The following BAIAP2L1 variants were observed in gnomAD, a reference collection of about 807,000 sequenced individuals.
The protein encoded by BAIAP2L1 is BAR/IMD domain-containing adapter protein 2-like 1.
A neutral mutation model predicts 66.3 loss-of-function variants in BAIAP2L1; 35 were observed. The ratio of observed to expected loss-of-function variants is 0.53; its 90% CI spans 0.40 to 0.70. The LOEUF (loss-of-function observed/expected upper bound fraction) is 0.70. BAIAP2L1 is among the 30% of genes least tolerant of loss of function. The pLI is 0.00. For synonymous variants in BAIAP2L1, 269 were observed against 248.7 expected, an observed-to-expected ratio of 1.08 and a Z score of -0.77; for missense variants, 622 against 656.9, an observed-to-expected ratio of 0.95 and a Z score of 0.58.
At chr7:98,383,320 G>A (rs1247000991) in intron 1 of BAIAP2L1, among the ~76,000 whole-genome samples, 1 of 107,222 alleles carries the variant, frequency 9.3e-6, no homozygotes, top group Non-Finnish European at 1.9e-5. Context: ...TTTCCTTCTT[G>A]TTGACCAGGC....
chr7:98,292,738 A>G lies in BAIAP2L1; in HGVS notation c.*783T>C, dbSNP rs1334428049. On this transcript the variant is annotated 3_prime_UTR_variant, in exon 14 of 14. Transcript: ENST00000005260. ...CCCCGAGCAGTTTGAGTGTACTGGT[A>G]ATGGATGCAGCTTTGGCCAACTAGC... The G allele has an allele frequency of 6.4e-7, 1 of 1,551,316 alleles. No individual in the cohort carries two copies. Among genetic ancestry groups the G allele is most frequent in the Non-Finnish European group, 8.7e-7 (1 of 1,146,872 alleles).
chr7:98,325,123 G>A (rs949471575), intron 3 of BAIAP2L1, among the ~76,000 whole-genome samples: 2 of 152,160 alleles, frequency 1.3e-5, no homozygotes, highest in East Asian at 3.9e-4. Context: ...AGTGGCTCAC[G>A]CCTGTAATCC....
At position 98,364,890 on chromosome 7, in the gene BAIAP2L1, G is replaced by A. The variant is rs917205263; in HGVS notation, c.52-2458C>T. Among the ~76,000 whole-genome samples, 6 of 146,840 alleles carry A rather than the reference G, an allele frequency of 4.1e-5. No homozygotes were observed. The Admixed American group carries it at 4.2e-4, about 10-fold the overall frequency. ...TGGTCCCAGCTACTTGGGAGGCTGA[G>A]GTGAGAGGATCACTTGAGCCCAGGA... On this transcript the variant is annotated intron_variant, in intron 1 of 13. Transcript: ENST00000005260.
Position 98,293,607 on chromosome 7 carries a change from T to C in BAIAP2L1, c.1461-11A>G, listed in dbSNP as rs201956781. On this transcript the variant is annotated splice_polypyrimidine_tract_variant and intron_variant, in intron 13 of 13. Coordinates refer to ENST00000005260, the MANE Select transcript of BAIAP2L1 (RefSeq NM_018842.5). ...AAGGGGTTTTCTCCGCTGCAGGGGA[T>C]AAGAAAAATCTTTCAGAACTTCTGC... 3.1e-6 allele frequency: 5 copies of C among 1,611,318 alleles called. No individual in the cohort carries two copies. Among genetic ancestry groups the C allele is most frequent in the Middle Eastern group, 1.7e-4 (1 of 5,944 alleles).
At chr7:98,296,777 T>G (rs1800209016) in intron 12 of BAIAP2L1, among the ~76,000 whole-genome samples, 1 of 152,200 alleles carries the variant, frequency 6.6e-6, no homozygotes, top group Admixed American at 6.5e-5. Context: ...GGCAGGAGCC[T>G]CTCTGCCTCC....
chr7:98,357,056 T>A (rs867874970), intron 2 of BAIAP2L1, among the ~76,000 whole-genome samples: 978 of 75,930 alleles, frequency 0.013, 9 homozygotes, highest in Non-Finnish European at 0.02. Context: ...TATATTTTTT[T>A]TTTTTTTTTT....
chr7:98,316,738 ATGTT>A (rs1489801647), intron 6 of BAIAP2L1, among the ~76,000 whole-genome samples: 1 of 152,108 alleles, frequency 6.6e-6, no homozygotes, highest in Non-Finnish European at 1.5e-5. Flanking sequence ...ATCCAATTGT[ATGTT>A]TGGACCCATT....
At chr7:98,382,457 G>C (rs951323630) in intron 1 of BAIAP2L1, among the ~76,000 whole-genome samples, 3 of 152,092 alleles carry the variant, frequency 2.0e-5, no homozygotes, top group Non-Finnish European at 4.4e-5. Flanking sequence ...ACCAGCCTAA[G>C]CAACACAGGG....
intron 1 of BAIAP2L1, 95 bp downstream of exon 1, chr7:98,400,707 C>G: frequency 7.2e-7 from 1 of 1,389,626 alleles, no homozygotes; most frequent in South Asian, 1.2e-5. Context: ...GGGAGGGGAG[C>G]TGGAGGGAGG....
At position 98,315,444 on chromosome 7, in the gene BAIAP2L1, T is replaced by G; in HGVS notation, c.639+16A>C. The G allele has an allele frequency of 4.3e-6, 6 of 1,397,124 alleles. No homozygotes were observed. In the African/African-American group the frequency reaches 7.4e-5, roughly 17 times the overall value. 86.5% of individuals were successfully genotyped at this position (1,397,124 alleles called of 1,614,324 possible). ...AAGTTATTAATACGCTCAAGGCAAT[T>G]TGCCACCACACCCACCTGTAAGTGA... On this transcript the variant is annotated intron_variant, in intron 7 of 13. Transcript: ENST00000005260.
At chr7:98,385,601 A>G (rs1346500018) in intron 1 of BAIAP2L1, among the ~76,000 whole-genome samples, 1 of 151,758 alleles carries the variant, frequency 6.6e-6, no homozygotes, top group East Asian at 2.0e-4. Context: ...TTTCGTAGAC[A>G]TGGGGTTTCA....
chr7:98,357,037 ATATATATATATATT>A (rs1802146305), intron 2 of BAIAP2L1, among the ~76,000 whole-genome samples: 1 of 16,974 alleles, frequency 5.9e-5, no homozygotes, highest in African/African-American at 2.2e-4. Context: ...ATATATATAT[ATATATATATATATT>A]TTTTTTTTTT....
At chr7:98,357,206 G>A (rs1802158218) in intron 2 of BAIAP2L1, among the ~76,000 whole-genome samples, 2 of 149,012 alleles carry the variant, frequency 1.3e-5, no homozygotes, top group Non-Finnish European at 3.0e-5. Flanking sequence ...TCCAGCTGAA[G>A]GTATGAAAAG....
In BAIAP2L1 at chr7:98,315,623, A is replaced by G. The variant is rs374517924; in HGVS notation, c.487-11T>C. 6.4e-5 allele frequency: 77 copies of G among 1,207,840 alleles called. 1 individual carries two copies. The South Asian group carries it at 1.3e-3, about 20-fold the overall frequency. 74.8% of individuals were successfully genotyped at this position (1,207,840 alleles called of 1,614,324 possible). ...AACGGTCTCCACATACTAAAAAAAA[A>G]AAAATAATAATAATAATAATTATAT... is the stretch of plus-strand genomic sequence containing the variant. On this transcript the variant is annotated splice_polypyrimidine_tract_variant and intron_variant, in intron 6 of 13. Transcript: ENST00000005260.
chr7:98,355,491 T>A, intron 2 of BAIAP2L1: 2 of 196,848 alleles, frequency 1.0e-5, no homozygotes, highest in African/African-American at 2.3e-5. Context: ...ATCCCAGCCC[T>A]TTGGGAGGCT....
chr7:98,363,164 A>G (rs1019319053), intron 1 of BAIAP2L1, among the ~76,000 whole-genome samples: 4 of 150,994 alleles, frequency 2.6e-5, no homozygotes, highest in African/African-American at 9.8e-5. Flanking sequence ...CCTCCCGAGT[A>G]GCTGGGATTA....
intron 3 of BAIAP2L1, among the ~76,000 whole-genome samples, chr7:98,343,805 G>A (rs911860465): frequency 4.6e-5 from 7 of 152,174 alleles, no homozygotes; most frequent in African/African-American, 7.2e-5. Context: ...TGGGCCAAAC[G>A]TCTCTGCTGC....
intron 3 of BAIAP2L1, among the ~76,000 whole-genome samples, chr7:98,325,624 G>A (rs1264570428): frequency 6.6e-6 from 1 of 152,126 alleles, no homozygotes; most frequent in Non-Finnish European, 1.5e-5. Context: ...GTTGCAGTGA[G>A]CCAAGGTCGT....
intron 1 of BAIAP2L1, among the ~76,000 whole-genome samples, chr7:98,388,730 T>C (rs898406367): frequency 2.0e-5 from 3 of 152,126 alleles, no homozygotes; most frequent in African/African-American, 7.2e-5. Context: ...TCCCAGCACT[T>C]TGGGAGACCG....
Sources: allele counts gnomAD v4.1 joint callset (sites outside exome capture counted in the v4.1 genomes callset), GRCh38; gene constraint gnomAD v4.1.1; transcripts MANE v1.5; gene names NCBI Gene and HGNC (gene_info 2026-07-23, HGNC 2026-07-21).